The following GRIK1 variants were observed in gnomAD, a reference collection of about 807,000 sequenced individuals.
GRIK1 encodes the protein glutamate receptor ionotropic, kainate 1.
A neutral mutation model predicts 105.7 loss-of-function variants in GRIK1; 69 were observed. The observed-to-expected ratio is 0.65, with a 90% CI of 0.54 to 0.80. The LOEUF is 0.80. Ranked by LOEUF, GRIK1 falls within the 30% of genes least tolerant of loss-of-function variation. The pLI is 0.00. For missense variants in GRIK1, 1,109 were observed against 1,167.3 expected (o/e 0.95, Z 0.73); for synonymous variants, 438 against 431.3 (o/e 1.02, Z -0.19).
chr21:29,928,718 A>G (rs1307192464), intron 1 of GRIK1, among the ~76,000 whole-genome samples: 2 of 152,282 alleles, frequency 1.3e-5, no homozygotes, highest in African/African-American at 4.8e-5. Context: ...CAGCAGAGTG[A>G]GCCACATGGG....
intron 1 of GRIK1, among the ~76,000 whole-genome samples, chr21:29,855,248 A>G (rs2068429101): frequency 6.6e-6 from 1 of 152,236 alleles, no homozygotes; most frequent in African/African-American, 2.4e-5. Flanking sequence ...ACGGAGTGAA[A>G]GAGACACAAA....
intron 1 of GRIK1, among the ~76,000 whole-genome samples, chr21:29,871,196 T>C (rs1281391549): frequency 1.3e-5 from 2 of 152,184 alleles, no homozygotes; most frequent in African/African-American, 4.8e-5. Context: ...AGGGATTGCA[T>C]CCTAGTCCTT....
At chr21:29,620,794 T>TAGATAGATAG (rs1491285802) in intron 7 of GRIK1, among the ~76,000 whole-genome samples, 2 of 106,318 alleles carry the variant, frequency 1.9e-5, no homozygotes, top group African/African-American at 1.1e-4. Flanking sequence ...TATATATATC[T>TAGATAGATAG]ATATATATAT....
intron 1 of GRIK1, among the ~76,000 whole-genome samples, chr21:29,790,784 T>C (rs1376090240): frequency 6.6e-6 from 1 of 152,176 alleles, no homozygotes; most frequent in Non-Finnish European, 1.5e-5. Flanking sequence ...CTATTTACAA[T>C]GAATGTTTGG....
intron 16 of GRIK1, among the ~76,000 whole-genome samples, chr21:29,550,478 C>T (rs1273936003): frequency 6.6e-6 from 1 of 152,180 alleles, no homozygotes; most frequent in South Asian, 2.1e-4. Context: ...CTCAGCGTTT[C>T]CAGCACATTA....
At chr21:29,877,404 A>G (rs2069229162) in intron 1 of GRIK1, among the ~76,000 whole-genome samples, 1 of 152,198 alleles carries the variant, frequency 6.6e-6, no homozygotes, top group Non-Finnish European at 1.5e-5. Context: ...CAGGCTTTAG[A>G]CAAAATAAGA....
intron 14 of GRIK1, among the ~76,000 whole-genome samples, chr21:29,565,648 G>A (rs1037153233): frequency 1.3e-5 from 2 of 152,158 alleles, no homozygotes; most frequent in Non-Finnish European, 2.9e-5. Flanking sequence ...TGGCCAGGCT[G>A]GTCTCGAACT....
chr21:29,867,820 G>A (rs1438734284), intron 1 of GRIK1, among the ~76,000 whole-genome samples: 1 of 135,502 alleles, frequency 7.4e-6, no homozygotes, highest in Non-Finnish European at 1.6e-5. Context: ...AAGAAAGAAT[G>A]AAAGAAAGAA....
intron 1 of GRIK1, among the ~76,000 whole-genome samples, chr21:29,859,331 T>C (rs189402402): frequency 1.1e-3 from 165 of 151,864 alleles, no homozygotes; most frequent in African/African-American, 3.7e-3. Flanking sequence ...CTGCACGTTG[T>C]GCACATGTAC....
chr21:29,778,930 T>G (rs528940993), intron 1 of GRIK1, among the ~76,000 whole-genome samples: 28 of 152,292 alleles, frequency 1.8e-4, no homozygotes, highest in Admixed American at 1.6e-3. Flanking sequence ...AAAAGGGAAT[T>G]ATACTAATTC....
chr21:29,851,056 C>CTTTTTTTTTTTTTTTTTTTT (rs11301678), intron 1 of GRIK1, among the ~76,000 whole-genome samples: 2 of 146,432 alleles, frequency 1.4e-5, no homozygotes, highest in African/African-American at 2.5e-5. Context: ...GAAATGATTT[C>CTTTTTTTTTTTTTTTTTTTT]TTTTTTTTTT....
Position 29,587,393 on chromosome 21 carries a change from A to T in GRIK1, c.1766T>A (p.Val589Asp). ...WMYVLLACLG[V>D]SCVLFVIARF... ...TGCAATCACAAAGAGTACACAGCTGACTCCCAAGCAGGCTAAGAGCACATA... is the reference window on the plus strand; with the variant it reads ...TGCAATCACAAAGAGTACACAGCTGTCTCCCAAGCAGGCTAAGAGCACATA... The change falls in exon 12 of 18, where the codon GTC (valine) becomes GAC (aspartate). Residue 589 changes from valine to aspartate, a missense_variant. Around this residue, in one of 5 missense-constraint regions of GRIK1, gnomAD observed 264 missense variants for 306.9 expected, o/e 0.86. Coordinates refer to ENST00000327783, the MANE Select transcript of GRIK1 (RefSeq NM_001330994.2). 6.2e-7 allele frequency: 1 copy of T among 1,612,218 alleles called. No individual in the cohort carries two copies. The highest frequency in any genetic ancestry group is 8.5e-7 in the Non-Finnish European group (1 of 1,178,358).
chr21:29,905,159 A>G (rs544904305), intron 1 of GRIK1, among the ~76,000 whole-genome samples: 47 of 152,288 alleles, frequency 3.1e-4, no homozygotes, highest in Admixed American at 2.4e-3. Flanking sequence ...AAACATGATT[A>G]TTTGCTGACT....
chr21:29,615,306 T>A (rs112497454), intron 7 of GRIK1, among the ~76,000 whole-genome samples: 1 of 150,228 alleles, frequency 6.7e-6, no homozygotes, highest in Admixed American at 6.6e-5. Context: ...CTATTCCTTT[T>A]TTTCTTTCTT....
intron 1 of GRIK1, among the ~76,000 whole-genome samples, chr21:29,826,837 A>T (rs1236198250): frequency 6.6e-6 from 1 of 152,242 alleles, no homozygotes; most frequent in East Asian, 1.9e-4. Context: ...TTATTCCTCC[A>T]ATCAGAGTAG....
intron 1 of GRIK1, among the ~76,000 whole-genome samples, chr21:29,806,538 T>G (rs73360323): frequency 0.011 from 1,696 of 152,260 alleles, 39 homozygotes; most frequent in African/African-American, 0.039. Flanking sequence ...CAACTCTAAA[T>G]GTAGGTAATT....
At chr21:29,645,074 A>G (rs1248453851) in intron 6 of GRIK1, among the ~76,000 whole-genome samples, 1 of 152,220 alleles carries the variant, frequency 6.6e-6, no homozygotes, top group Admixed American at 6.5e-5. Context: ...TCACAATAAT[A>G]GTTCAATAAA....
At chr21:29,789,954 A>G (rs936402143) in intron 1 of GRIK1, among the ~76,000 whole-genome samples, 2 of 152,236 alleles carry the variant, frequency 1.3e-5, no homozygotes, top group Non-Finnish European at 2.9e-5. Context: ...CACAAATCAA[A>G]TCTTTGTGAA....
intron 1 of GRIK1, among the ~76,000 whole-genome samples, chr21:29,751,004 G>T (rs901293468): frequency 1.3e-5 from 2 of 152,108 alleles, no homozygotes; most frequent in Admixed American, 1.3e-4. Context: ...GTCAAAGGGG[G>T]TTGTTCGCTG....
Sources: gnomAD v4.1 joint callset for allele counts (sites outside exome capture counted in the v4.1 genomes callset) on GRCh38, gnomAD v4.1.1 for gene constraint, gnomAD v4.1.1 regional missense constraint, MANE v1.5 for transcripts, NCBI Gene and HGNC (gene_info 2026-07-23, HGNC 2026-07-21) for gene names.